The following NWD2 variants were observed in gnomAD, a reference collection of about 807,000 sequenced individuals.
NWD2 encodes NACHT and WD repeat domain containing 2.
NWD2 carries 37 observed loss-of-function variants against 132.7 expected under a neutral mutation model. That is an observed-to-expected ratio of 0.28 (90% CI 0.21 to 0.37). The LOEUF (loss-of-function observed/expected upper bound fraction) is 0.37. Among genes scored for constraint, NWD2 ranks in the 10% least tolerant of loss-of-function variants. NWD2 has a pLI of 1.00. For synonymous variants in NWD2, 705 were observed against 803.0 expected, an observed-to-expected ratio of 0.88 and a Z score of 2.06; for missense variants, 1,592 against 2,122.4, an observed-to-expected ratio of 0.75 and a Z score of 4.91.
intron 1 of NWD2, among the ~76,000 whole-genome samples, chr4:37,248,275 A>T (rs1717284762): frequency 6.6e-6 from 1 of 152,158 alleles, no homozygotes; most frequent in African/African-American, 2.4e-5. Context: ...GCTGGCAGGG[A>T]ACATGGCTAT....
chr4:37,272,783 A>G (rs1352776368), intron 1 of NWD2, among the ~76,000 whole-genome samples: 1 of 151,462 alleles, frequency 6.6e-6, no homozygotes, highest in Non-Finnish European at 1.5e-5. Flanking sequence ...TGTTTCCTGC[A>G]TTCTACTTGT....
intron 3 of NWD2, among the ~76,000 whole-genome samples, chr4:37,372,863 G>A (rs1423756911): frequency 5.3e-5 from 8 of 152,140 alleles, no homozygotes. Context: ...TCTAATCCTT[G>A]GGGAGAAAGT....
chr4:37,420,070 T>C (rs961367291), intron 3 of NWD2, among the ~76,000 whole-genome samples: 1 of 152,198 alleles, frequency 6.6e-6, no homozygotes, highest in African/African-American at 2.4e-5. Flanking sequence ...AAAGATCTTA[T>C]CACATTTGTG....
At chr4:37,365,855 G>A (rs1424803405) in intron 3 of NWD2, among the ~76,000 whole-genome samples, 2 of 152,158 alleles carry the variant, frequency 1.3e-5, no homozygotes, top group Non-Finnish European at 2.9e-5. Context: ...GAATTATGGA[G>A]AAAAAGTGGA....
At chr4:37,307,068 T>C (rs1718725357) in intron 1 of NWD2, among the ~76,000 whole-genome samples, 1 of 151,848 alleles carries the variant, frequency 6.6e-6, no homozygotes, top group South Asian at 2.1e-4. Context: ...GAGAGGAATA[T>C]GTATTCTGTA....
intron 3 of NWD2, among the ~76,000 whole-genome samples, chr4:37,427,473 A>G (rs1347689903): frequency 6.6e-6 from 1 of 152,244 alleles, no homozygotes; most frequent in Non-Finnish European, 1.5e-5. Flanking sequence ...GAGATACATC[A>G]TTTGTGTTAC....
chr4:37,257,046 C>T (rs745539865), intron 1 of NWD2, among the ~76,000 whole-genome samples: 3 of 152,166 alleles, frequency 2.0e-5, no homozygotes, highest in African/African-American at 4.8e-5. Context: ...CTTCCACTTT[C>T]TGTCTTTTGA....
intron 1 of NWD2, among the ~76,000 whole-genome samples, chr4:37,268,496 T>C (rs1297769759): frequency 1.3e-5 from 2 of 151,934 alleles, no homozygotes; most frequent in Non-Finnish European, 2.9e-5. Context: ...GTTGTATTCA[T>C]CTATGGGTTC....
chr4:37,404,838 AG>A (rs1486630028), intron 3 of NWD2, among the ~76,000 whole-genome samples: 3 of 152,180 alleles, frequency 2.0e-5, no homozygotes, highest in Non-Finnish European at 4.4e-5. Context: ...AGAGAGGGGA[AG>A]GTGCTACACA....
intron 3 of NWD2, among the ~76,000 whole-genome samples, chr4:37,400,761 C>T (rs1304491812): frequency 6.6e-6 from 1 of 152,134 alleles, no homozygotes; most frequent in Non-Finnish European, 1.5e-5. Flanking sequence ...TTGGAAAAGC[C>T]AGATGGTCTT....
intron 1 of NWD2, among the ~76,000 whole-genome samples, chr4:37,313,968 T>C (rs944638666): frequency 6.6e-6 from 1 of 151,448 alleles, no homozygotes; most frequent in Non-Finnish European, 1.5e-5. Flanking sequence ...AGTACTGAGA[T>C]TACAGGCGTG....
intron 1 of NWD2, among the ~76,000 whole-genome samples, chr4:37,309,198 A>G (rs1303788883): frequency 6.6e-6 from 1 of 152,134 alleles, no homozygotes; most frequent in Non-Finnish European, 1.5e-5. Flanking sequence ...CAGCGTTGCC[A>G]GTGACACTGG....
At chr4:37,246,247 C>G (rs1320322311) in intron 1 of NWD2, among the ~76,000 whole-genome samples, 1 of 152,204 alleles carries the variant, frequency 6.6e-6, no homozygotes, top group Non-Finnish European at 1.5e-5. Flanking sequence ...GGATATAATT[C>G]TCATTTGAAA....
chr4:37,306,493 A>G (rs1450181188), intron 1 of NWD2, among the ~76,000 whole-genome samples: 1 of 152,098 alleles, frequency 6.6e-6, no homozygotes, highest in South Asian at 2.1e-4. Context: ...TGTCTATCCC[A>G]TAGGTTAGGA....
At chr4:37,284,584 A>G (rs550689969) in intron 1 of NWD2, among the ~76,000 whole-genome samples, 33 of 152,184 alleles carry the variant, frequency 2.2e-4, no homozygotes, top group Non-Finnish European at 3.8e-4. Context: ...GACACCATGT[A>G]TCTAATGGCT....
chr4:37,348,570 T>C (rs960507076), intron 2 of NWD2, among the ~76,000 whole-genome samples: 2 of 93,872 alleles, frequency 2.1e-5, no homozygotes, highest in East Asian at 6.8e-4. Flanking sequence ...CAACTTTTCT[T>C]TTTCCTTTTT....
At chr4:37,327,193 A>G (rs550793807) in intron 2 of NWD2, among the ~76,000 whole-genome samples, 52 of 152,318 alleles carry the variant, frequency 3.4e-4, no homozygotes, top group African/African-American at 1.2e-3. Context: ...ATAGAGGAAG[A>G]AATGTGTCCA....
At chr4:37,352,180 A>G (rs538579970) in intron 2 of NWD2, among the ~76,000 whole-genome samples, 2 of 152,308 alleles carry the variant, frequency 1.3e-5, no homozygotes, top group African/African-American at 4.8e-5. Flanking sequence ...AGAGTTCTGT[A>G]GGTGTCTATT....
intron 3 of NWD2, among the ~76,000 whole-genome samples, chr4:37,385,416 C>T (rs912855096): frequency 2.0e-5 from 3 of 152,210 alleles, no homozygotes; most frequent in Non-Finnish European, 2.9e-5. Flanking sequence ...GACATACCCT[C>T]CTATAACTGG....
Sources: allele counts gnomAD v4.1 joint callset (sites outside exome capture counted in the v4.1 genomes callset), GRCh38; gene constraint gnomAD v4.1.1; transcripts MANE v1.5; gene names NCBI Gene and HGNC (gene_info 2026-07-23, HGNC 2026-07-21).